Variants in ZNF423 observed in about 807,000 individuals in gnomAD.
The protein encoded by ZNF423 is Ebf-associated zinc finger protein.
A neutral mutation model predicts 95.8 loss-of-function variants in ZNF423; 12 were observed. The ratio of observed to expected loss-of-function variants is 0.13; its 90% CI spans 0.08 to 0.20. ZNF423 has a LOEUF of 0.20. Among genes scored for constraint, ZNF423 ranks in the 10% least tolerant of loss-of-function variants. The pLI is 1.00. For synonymous variants in ZNF423, 749 were observed against 711.9 expected (o/e 1.05, Z -0.83); for missense variants, 1,316 against 1,737.1 (o/e 0.76, Z 4.31).
At position 49,603,653 on chromosome 16, in the gene ZNF423, G is replaced by T. The variant is rs1596703870; in HGVS notation, c.3601+22517C>A. 6.6e-6 allele frequency among the ~76,000 whole-genome samples: 1 copy of T among 152,072 alleles called. No homozygotes were observed. The highest frequency in any genetic ancestry group is 2.4e-5 in the African/African-American group (1 of 41,414). On this transcript the variant is annotated intron_variant, in intron 5 of 7. Coordinates refer to ENST00000563137, the MANE Select transcript of ZNF423 (RefSeq NM_001379286.1). This position sits in a 1 kb window ranked among gnomAD's most constrained non-coding sequence, Gnocchi z 4.1. ...TCGAACTCCTGATCTCAGGTGATCC[G>T]CCCACCTCGGCCTCCCAAAGTCCTG...
intron 1 of ZNF423, among the ~76,000 whole-genome samples, chr16:49,800,667 G>A (rs369882264): frequency 6.6e-6 from 1 of 152,284 alleles, no homozygotes; most frequent in African/African-American, 2.4e-5. Context: ...GAGCCCAAGT[G>A]GCATCTGGCA....
intron 1 of ZNF423, among the ~76,000 whole-genome samples, chr16:49,846,127 C>T (rs1380217000): frequency 6.6e-6 from 1 of 151,962 alleles, no homozygotes; most frequent in African/African-American, 2.4e-5. Flanking sequence ...CATGGTGAAA[C>T]TCCATCTCTA....
In ZNF423 at chr16:49,636,579, A is replaced by C. The variant is rs760978973; in HGVS notation, c.2597T>G (p.Leu866Arg). Residue 866 changes from leucine (L) to arginine (R), a missense_variant, in exon 4 of 8, where the codon CTG becomes CGG. Coordinates refer to ENST00000563137, the MANE Select transcript of ZNF423 (RefSeq NM_001379286.1). This position sits in a 1 kb window ranked among gnomAD's most constrained non-coding sequence, Gnocchi z 8.6. ...MATKKAEPAD[L>R]QGMLLKNPEA... ...AGGGTTCTTAAGCAGCATGCCCTGC[A>C]GGTCAGCAGGCTCAGCTTTCTTGGT... is the stretch of plus-strand genomic sequence containing the variant. 8 of 1,613,614 alleles carry C rather than the reference A, an allele frequency of 5.0e-6. No individual in the cohort carries two copies. The South Asian group carries it at 7.7e-5, about 16-fold the overall frequency.
chr16:49,769,907 C>A (rs186558484), intron 2 of ZNF423, among the ~76,000 whole-genome samples: 155 of 152,240 alleles, frequency 1.0e-3, no homozygotes, highest in Non-Finnish European at 1.3e-3. Context: ...CTGTGCATGG[C>A]TCTAACGCCC....
chr16:49,632,254 T>A (rs1972529822), intron 4 of ZNF423, among the ~76,000 whole-genome samples: 2 of 152,032 alleles, frequency 1.3e-5, no homozygotes, highest in Admixed American at 6.6e-5. Flanking sequence ...AGGAACCCAG[T>A]CCTCTGAGAG....
chr16:49,853,638 C>T, intron 1 of ZNF423: 3 of 985,316 alleles, frequency 3.0e-6, no homozygotes, highest in Non-Finnish European at 3.6e-6. Flanking sequence ...GAACTGTCTG[C>T]TACACATACA....
At chr16:49,671,528 C>T (rs992193044) in intron 3 of ZNF423, among the ~76,000 whole-genome samples, 5 of 152,172 alleles carry the variant, frequency 3.3e-5, no homozygotes, top group Admixed American at 3.3e-4. Flanking sequence ...CCCACCACCA[C>T]CCACCCCGCC....
chr16:49,566,779 T>C (rs565564631), intron 5 of ZNF423, among the ~76,000 whole-genome samples: 18 of 151,058 alleles, frequency 1.2e-4, no homozygotes, highest in Non-Finnish European at 2.2e-4. Flanking sequence ...CGCGGGGAGG[T>C]GGTGGCAGCC....
intron 1 of ZNF423, among the ~76,000 whole-genome samples, chr16:49,849,723 A>G (rs1361935023): frequency 6.6e-6 from 1 of 152,196 alleles, no homozygotes; most frequent in Non-Finnish European, 1.5e-5. Flanking sequence ...AACAACAACC[A>G]CAACAACAAA....
At chr16:49,643,469 C>T (rs1401410829) in intron 3 of ZNF423, among the ~76,000 whole-genome samples, 2 of 152,046 alleles carry the variant, frequency 1.3e-5, no homozygotes, top group African/African-American at 2.4e-5. Context: ...CCCAGTGCCA[C>T]ACAGCCAGCA....
At chr16:49,784,024 C>A (rs1334323886) in intron 2 of ZNF423, among the ~76,000 whole-genome samples, 1 of 150,340 alleles carries the variant, frequency 6.7e-6, no homozygotes, top group Non-Finnish European at 1.5e-5. Context: ...GAATGAGATA[C>A]CTTCATGCCT....
chr16:49,600,668 C>T (rs1488485648), intron 5 of ZNF423, among the ~76,000 whole-genome samples: 2 of 152,208 alleles, frequency 1.3e-5, no homozygotes, highest in African/African-American at 2.4e-5. Flanking sequence ...AGGAAGGAGC[C>T]GGCCGACGTT....
chr16:49,831,069 C>A (rs1052704185), intron 1 of ZNF423, among the ~76,000 whole-genome samples: 1 of 152,104 alleles, frequency 6.6e-6, no homozygotes, highest in Non-Finnish European at 1.5e-5. Flanking sequence ...GCAACCCTCT[C>A]CCCAGGGGAA....
rs149453174 is a variant in ZNF423, at chr16:49,592,676, T to A, written c.3601+33494A>T. Among the ~76,000 whole-genome samples, 6 of 152,334 alleles carry A rather than the reference T, an allele frequency of 3.9e-5. No homozygotes were observed. In the East Asian group the frequency reaches 1.2e-3, roughly 29 times the overall value. The stretch of plus-strand genomic sequence containing the variant: ...CCACACCAGCCGGGAGTCAGCCACG[T>A]GCAACCAGAGAATAGTTACACAAAA... On this transcript the variant is annotated intron_variant, in intron 5 of 7. Coordinates refer to ENST00000563137, the MANE Select transcript of ZNF423 (RefSeq NM_001379286.1).
Position 49,637,903 on chromosome 16 carries a change from G to A in ZNF423, c.1273C>T (p.Arg425Trp), listed in dbSNP as rs772823132. The change falls in exon 4 of 8, where the codon CGG becomes TGG. Residue 425 changes from arginine (R) to tryptophan (W), a missense_variant. Transcript: ENST00000563137. The surrounding 1 kb of genome is among the most constrained non-coding windows in gnomAD (Gnocchi z 5.6). Reference protein sequence around the residue: ...VVYSCPYCSKRDFNSLAVLEI... With the variant: ...VVYSCPYCSKWDFNSLAVLEI... ...AGCACGGCCAGGCTGTTAAAGTCCCGCTTGGAACAATAGGGGCAGCTATAG... is the reference window on the plus strand; with the variant it reads ...AGCACGGCCAGGCTGTTAAAGTCCCACTTGGAACAATAGGGGCAGCTATAG... 6.8e-6 allele frequency: 11 copies of A among 1,614,030 alleles called. No individual in the cohort carries two copies. Among genetic ancestry groups the A allele is most frequent in the South Asian group, 4.4e-5 (4 of 91,072 alleles).
chr16:49,668,561 C>G (rs1032080185), intron 3 of ZNF423, among the ~76,000 whole-genome samples: 1 of 152,234 alleles, frequency 6.6e-6, no homozygotes, highest in Non-Finnish European at 1.5e-5. Flanking sequence ...CTGTTTTCCA[C>G]TTGATTGGCA....
At chr16:49,626,043 A>G in intron 5 of ZNF423, 127 bp downstream of exon 5, 3 of 871,620 alleles carry the variant, frequency 3.4e-6, no homozygotes, top group Admixed American at 2.0e-5. Context: ...TCCCATGTGC[A>G]ATGTCTCAGA....
At chr16:49,560,740 C>A (rs1399999570) in intron 5 of ZNF423, among the ~76,000 whole-genome samples, 2 of 152,150 alleles carry the variant, frequency 1.3e-5, no homozygotes, top group African/African-American at 4.8e-5. Context: ...TGTGCAAACT[C>A]GGTGTAAAAA....
chr16:49,573,048 A>G (rs1970399095), intron 5 of ZNF423, among the ~76,000 whole-genome samples: 1 of 152,162 alleles, frequency 6.6e-6, no homozygotes, highest in Non-Finnish European at 1.5e-5. Context: ...TGCGGAGTGA[A>G]TAAGCAAATG....
Sources: allele counts gnomAD v4.1 joint callset (sites outside exome capture counted in the v4.1 genomes callset), GRCh38; gene constraint gnomAD v4.1.1; non-coding constraint Gnocchi (gnomAD v3.1); transcripts MANE v1.5; gene names NCBI Gene and HGNC (gene_info 2026-07-23, HGNC 2026-07-21).